The following ANKRD30B variants were observed in gnomAD, a reference collection of about 807,000 sequenced individuals.
ANKRD30B encodes ankyrin repeat domain 30B.
Under a neutral mutation model 202.2 loss-of-function variants are expected in ANKRD30B, and 144 were observed. That is an observed-to-expected ratio of 0.71 (90% confidence interval 0.62 to 0.82). ANKRD30B has a LOEUF of 0.82. ANKRD30B is among the 40% of genes least tolerant of loss of function. The probability of loss-of-function intolerance (pLI) is 0.00; values close to 1 mark genes in which losing one functional copy is unlikely to be tolerated. For missense variants in ANKRD30B, 1,487 were observed against 1,669.1 expected (o/e 0.89, Z 1.90); for synonymous variants, 508 against 561.3 (o/e 0.91, Z 1.34).
the ANKRD30B span, among the ~76,000 whole-genome samples, chr18:14,860,056 A>G: frequency 6.9e-6 from 1 of 144,968 alleles, no homozygotes; most frequent in African/African-American, 2.6e-5. Flanking sequence ...GGCCGGGCAG[A>G]GGCGCTCCTC....
At chr18:14,910,419 T>A in the ANKRD30B span, among the ~76,000 whole-genome samples, 9 of 151,656 alleles carry the variant, frequency 5.9e-5, no homozygotes, top group East Asian at 1.2e-3. Flanking sequence ...TGATTTTTCA[T>A]TTTTTTATGG....
chr18:14,860,346 CAGGG>C, the ANKRD30B span, among the ~76,000 whole-genome samples: 1 of 101,778 alleles, frequency 9.8e-6, no homozygotes. Flanking sequence ...ACTTCCCAGA[CAGGG>C]CTGCCGGGCA....
chr18:14,814,753 T>C, intron 30 of ANKRD30B, 42 bp downstream of exon 30: 1 of 798,366 alleles, frequency 1.3e-6, no homozygotes, highest in Non-Finnish European at 1.7e-6. Context: ...TGACCAAATG[T>C]TTCTCTGAAC....
At chr18:14,858,763 G>T (rs1972139014), downstream of ANKRD30B, among the ~76,000 whole-genome samples, 1 of 140,182 alleles carries the variant, frequency 7.1e-6, no homozygotes, top group Non-Finnish European at 1.6e-5. Flanking sequence ...TCCCAGGGGG[G>T]GCAGCCAGGC....
At chr18:14,886,392 T>A in the ANKRD30B span, among the ~76,000 whole-genome samples, 1 of 152,016 alleles carries the variant, frequency 6.6e-6, no homozygotes, top group East Asian at 1.9e-4. Context: ...AATTTTATTT[T>A]CTAAAATTTG....
rs1968127826 is a variant in ANKRD30B at position 14,787,019 on chromosome 18, C to T, written c.1673-20C>T. On this transcript the variant is annotated intron_variant, in intron 14 of 43. Transcript: ENST00000690538. ...TAGAGAAATGTTCTCATGAATACAT[C>T]TGTGATTAACCTTTTATAGCTCAGA... 4 of 1,600,202 alleles carry T rather than the reference C, an allele frequency of 2.5e-6. No individual in the cohort carries two copies. Among genetic ancestry groups the T allele is most frequent in the South Asian group, 1.1e-5 (1 of 89,038 alleles).
intron 30 of ANKRD30B, among the ~76,000 whole-genome samples, chr18:14,815,341 T>G (rs912015224): frequency 4.7e-5 from 7 of 149,174 alleles, no homozygotes; most frequent in Non-Finnish European, 8.9e-5. Flanking sequence ...GTTTTCAAAC[T>G]TTAGAAAACC....
chr18:14,749,896 G>T (rs2143618523), intron 1 of ANKRD30B, among the ~76,000 whole-genome samples: 1 of 151,868 alleles, frequency 6.6e-6, no homozygotes, highest in South Asian at 2.1e-4. Context: ...AGTTTCATAA[G>T]TGAAATGCCT....
intron 15 of ANKRD30B, among the ~76,000 whole-genome samples, chr18:14,789,014 G>A (rs1968284440): frequency 6.6e-6 from 1 of 151,662 alleles, no homozygotes; most frequent in Admixed American, 6.6e-5. Flanking sequence ...CCCACCAACA[G>A]TGTAAAAGTG....
chr18:14,761,841 T>C (rs1915308415), intron 6 of ANKRD30B, among the ~76,000 whole-genome samples: 1 of 152,170 alleles, frequency 6.6e-6, no homozygotes, highest in African/African-American at 2.4e-5. Context: ...TAATTACAGT[T>C]GAATCTTGAG....
At position 14,851,621 on chromosome 18, in the gene ANKRD30B, T is replaced by C. The variant is rs1167129681; in HGVS notation, c.3677T>C (p.Val1226Ala). ...EVATLKHQHQ[V>A]KENKYFEDIK... ...GCCACACTGAAACATCAACACCAGG[T>C]GAAGGAAAATAAATACTTTGAGGAC... The change falls in exon 42 of 44, where the codon GTG becomes GCG. Residue 1226 changes from valine to alanine, a missense_variant. This residue lies in a region of ANKRD30B where 177 missense variants were observed against 216.4 expected (regional missense o/e 0.82). Transcript: ENST00000690538. 3.1e-6 allele frequency: 5 copies of C among 1,611,460 alleles called. No homozygotes were observed. In the Admixed American group the frequency reaches 8.4e-5, roughly 27 times the overall value.
At chr18:14,819,821 G>C (rs1271258360) in intron 30 of ANKRD30B, among the ~76,000 whole-genome samples, 1 of 152,056 alleles carries the variant, frequency 6.6e-6, no homozygotes, top group Non-Finnish European at 1.5e-5. Context: ...TGTTCTTTTG[G>C]CTTAGGATTG....
chr18:14,777,858 G>A (rs1279931345), intron 9 of ANKRD30B, 127 bp from the exon 10 acceptor site: 23 of 642,406 alleles, frequency 3.6e-5, no homozygotes, highest in South Asian at 1.1e-4. Context: ...GAGGAGAATC[G>A]CTTGAACCTG....
At chr18:14,851,318 A>C (rs981442436) in intron 41 of ANKRD30B, among the ~76,000 whole-genome samples, 191 bp from the exon 42 acceptor site, 6 of 151,662 alleles carry the variant, frequency 4.0e-5, no homozygotes, top group Non-Finnish European at 7.4e-5. Flanking sequence ...GTTGTCTCCA[A>C]ATAAATGTTT....
chr18:14,827,428 G>T (rs910659002), intron 32 of ANKRD30B, among the ~76,000 whole-genome samples: 5 of 152,162 alleles, frequency 3.3e-5, no homozygotes, highest in Non-Finnish European at 7.4e-5. Flanking sequence ...GTGTGTGAGG[G>T]AAGTCTTGTG....
chr18:14,889,055 A>C, the ANKRD30B span, among the ~76,000 whole-genome samples: 1 of 151,528 alleles, frequency 6.6e-6, no homozygotes, highest in African/African-American at 2.4e-5. Flanking sequence ...ATTGTTAGCT[A>C]TACTTATGTA....
Position 14,748,426 on chromosome 18 carries a change from A to G in ANKRD30B, c.7A>G (p.Arg3Gly). 1 of 1,499,146 alleles carries G rather than the reference A, an allele frequency of 6.7e-7. No homozygotes were observed. The highest frequency in any genetic ancestry group is 8.9e-7 in the Non-Finnish European group (1 of 1,121,468). The allele number at this position is 1,499,146 out of a possible 1,614,324, so 92.9% of individuals were successfully genotyped here. A position where few individuals can be genotyped will look rare whatever the true frequency, so the allele number is the denominator to read the frequency against. Residue 3 changes from arginine (R) to glycine (G), a missense_variant, in exon 1 of 44, where the codon AGG (arginine) becomes GGG (glycine). Physicochemically the swap from Arg to Gly is moderately radical, Grantham distance 125. This residue lies in a region of ANKRD30B where 889 missense variants were observed against 841.4 expected (regional missense o/e 1.06). Transcript: ENST00000690538. The stretch of plus-strand genomic sequence containing the variant: ...CTAGCAGGGGGCTGCAGCCATGAAG[A>G]GGCTCTTAGCTGCCGCTGGCAAGGG... MK[R>G]LLAAAGKGVR...
At chr18:14,811,481 G>T (rs1969920264) in intron 28 of ANKRD30B, among the ~76,000 whole-genome samples, 2 of 150,614 alleles carry the variant, frequency 1.3e-5, no homozygotes, top group Non-Finnish European at 1.5e-5. Context: ...AAAGTGCTGG[G>T]ATTAGAGGCG....
At chr18:14,873,055 G>A in the ANKRD30B span, among the ~76,000 whole-genome samples, 1 of 152,130 alleles carries the variant, frequency 6.6e-6, no homozygotes, top group African/African-American at 2.4e-5. Flanking sequence ...AAGATGGACA[G>A]ATACCTAAAT....
Sources: gnomAD v4.1 joint callset for allele counts (sites outside exome capture counted in the v4.1 genomes callset) on GRCh38, gnomAD v4.1.1 for gene constraint, gnomAD v4.1.1 regional missense constraint, MANE v1.5 for transcripts, NCBI Gene and HGNC (gene_info 2026-07-23, HGNC 2026-07-21) for gene names.